Variants in SLC24A2 observed in about 807,000 individuals in gnomAD.
SLC24A2 encodes solute carrier family 24 member 2.
In SLC24A2, 36 loss-of-function variants were observed where a neutral mutation model predicts 62.0. The ratio of observed to expected loss-of-function variants is 0.58; its 90% CI spans 0.44 to 0.77. The LOEUF is 0.77. SLC24A2 is among the 30% of genes least tolerant of loss of function. The pLI is 0.00. For synonymous variants in SLC24A2, 358 were observed against 294.0 expected (o/e 1.22, Z -2.23); for missense variants, 846 against 817.9 (o/e 1.03, Z -0.42).
At chr9:19,545,124 C>G (rs1349336134) in intron 8 of SLC24A2, among the ~76,000 whole-genome samples, 1 of 151,880 alleles carries the variant, frequency 6.6e-6, no homozygotes, top group East Asian at 1.9e-4. Context: ...TTTGTTTGAT[C>G]CCTTTCATCC....
At position 19,710,339 on chromosome 9, in the gene SLC24A2, T is replaced by A. The variant is rs79410194; in HGVS notation, c.930+75598A>T. On this transcript the variant is annotated intron_variant, in intron 2 of 10. Coordinates refer to ENST00000341998, the MANE Select transcript of SLC24A2 (RefSeq NM_020344.4). ...AAGGAAAACACAATTACCTGCAGTGTCACAAGTGCCATGACAAGGAGAGGG... is the reference window on the plus strand; with the variant it reads ...AAGGAAAACACAATTACCTGCAGTGACACAAGTGCCATGACAAGGAGAGGG... 5.0e-3 allele frequency among the ~76,000 whole-genome samples: 764 copies of A among 152,188 alleles called. 5 individuals are homozygous for A. Among genetic ancestry groups the A allele is most frequent in the African/African-American group, 0.017 (720 of 41,506 alleles).
the SLC24A2 span, among the ~76,000 whole-genome samples, chr9:20,050,331 G>A: frequency 2.0e-4 from 31 of 151,590 alleles, no homozygotes; most frequent in East Asian, 5.8e-3. Context: ...CATGAGAATC[G>A]CTTGAACCTG....
At chr9:20,122,554 G>C in the SLC24A2 span, among the ~76,000 whole-genome samples, 1 of 152,208 alleles carries the variant, frequency 6.6e-6, no homozygotes, top group East Asian at 1.9e-4. Context: ...TGGGCATGGT[G>C]GTGGGCACCT....
rs566486832 is a variant in SLC24A2, at chr9:19,617,373, C to A, written c.1078+2211G>T. 3.3e-5 allele frequency among the ~76,000 whole-genome samples: 5 copies of A among 152,226 alleles called. No homozygotes were observed. The East Asian group carries it at 9.6e-4, about 29-fold the overall frequency. Reference sequence around the variant, plus strand: ...GACCATGATTTGGCTCACGTCCCACCCTCCAACTGCCATCTAACATGTTTG... The same window carrying A: ...GACCATGATTTGGCTCACGTCCCACACTCCAACTGCCATCTAACATGTTTG... On this transcript the variant is annotated intron_variant, in intron 4 of 10. Transcript: ENST00000341998.
chr9:19,959,966 T>C, the SLC24A2 span, among the ~76,000 whole-genome samples: 1 of 152,330 alleles, frequency 6.6e-6, no homozygotes, highest in East Asian at 1.9e-4. Context: ...GATATGCTTT[T>C]CTTTAATAAT....
chr9:19,657,460 G>A (rs145866515), intron 2 of SLC24A2, among the ~76,000 whole-genome samples: 2,364 of 151,984 alleles, frequency 0.016, 25 homozygotes, highest in Middle Eastern at 0.024. Context: ...GTACCATGGT[G>A]GTTTGCTGCA....
intron 5 of SLC24A2, among the ~76,000 whole-genome samples, chr9:19,578,620 A>G (rs1412846298): frequency 6.6e-6 from 1 of 150,582 alleles, no homozygotes; most frequent in Non-Finnish European, 1.5e-5. Flanking sequence ...CTACTTTTTT[A>G]TTTAGAACCA....
At chr9:19,741,293 C>G (rs1019029295) in intron 2 of SLC24A2, among the ~76,000 whole-genome samples, 15 of 152,126 alleles carry the variant, frequency 9.9e-5, no homozygotes, top group African/African-American at 3.6e-4. Flanking sequence ...AAAAGGGGAG[C>G]TAGAGGGAAG....
chr9:19,832,364 G>A, the SLC24A2 span, among the ~76,000 whole-genome samples: 1 of 152,218 alleles, frequency 6.6e-6, no homozygotes, highest in Admixed American at 6.5e-5. Flanking sequence ...TAAACATGTT[G>A]TAAGCCAGAT....
intron 2 of SLC24A2, among the ~76,000 whole-genome samples, chr9:19,666,752 T>C (rs1263877346): frequency 1.3e-5 from 2 of 152,200 alleles, no homozygotes; most frequent in East Asian, 1.9e-4. Context: ...TTATGTTTTT[T>C]TCAATGCAGG....
rs544012513 is a variant in SLC24A2, at chr9:19,786,428, T to C, written c.439A>G (p.Ile147Val). Reference sequence around the variant, plus strand: ...TCATCACAGACAATGGCTAAGGCTATGAACATGTAGATCATTCCAATGACA... The same window carrying C: ...TCATCACAGACAATGGCTAAGGCTACGAACATGTAGATCATTCCAATGACA... Reference protein sequence around the residue: ...LHVIGMIYMFIALAIVCDEFF... With the variant: ...LHVIGMIYMFVALAIVCDEFF... Residue 147 changes from isoleucine (I) to valine (V), a missense_variant, in exon 2 of 11, where the codon ATA becomes GTA. By Grantham distance (29) the Ile-to-Val change is conservative. Transcript: ENST00000341998. This position sits in a 1 kb window ranked among gnomAD's most constrained non-coding sequence, Gnocchi z 5.0. 1.4e-5 allele frequency: 22 copies of C among 1,614,202 alleles called. No individual in the cohort carries two copies. The South Asian group carries it at 2.2e-4, about 16-fold the overall frequency.
At chr9:19,925,923 G>A in the SLC24A2 span, among the ~76,000 whole-genome samples, 1 of 152,096 alleles carries the variant, frequency 6.6e-6, no homozygotes, top group Non-Finnish European at 1.5e-5. Context: ...GAATTTCCAA[G>A]CCAACCTCCA....
chr9:19,542,868 G>A (rs1292160333), intron 8 of SLC24A2, among the ~76,000 whole-genome samples: 1 of 152,202 alleles, frequency 6.6e-6, no homozygotes, highest in Non-Finnish European at 1.5e-5. Context: ...TCGCATCGAT[G>A]TTCATCAGGG....
chr9:20,172,699 G>C, the SLC24A2 span, among the ~76,000 whole-genome samples: 1 of 151,680 alleles, frequency 6.6e-6, no homozygotes, highest in African/African-American at 2.4e-5. Flanking sequence ...AATTTAACAT[G>C]AAATAAAAAA....
Position 19,515,470 on chromosome 9 carries a change from A to G in SLC24A2, c.*683T>C. On this transcript the variant is annotated 3_prime_UTR_variant, in exon 11 of 11. Coordinates refer to ENST00000341998, the MANE Select transcript of SLC24A2 (RefSeq NM_020344.4). Reference sequence around the variant, plus strand: ...CACTAAGCCCTCCTCCCTGCAAGCTATTTCCCTAAACCATCTACCTTACTA... The same window carrying G: ...CACTAAGCCCTCCTCCCTGCAAGCTGTTTCCCTAAACCATCTACCTTACTA... The G allele has an allele frequency of 6.6e-6, 1 of 152,072 alleles. No individual in the cohort carries two copies. The highest frequency in any genetic ancestry group is 1.9e-4 in the East Asian group (1 of 5,190). 9.4% of individuals were successfully genotyped at this position (152,072 alleles called of 1,614,324 possible).
At chr9:19,898,178 G>A in the SLC24A2 span, among the ~76,000 whole-genome samples, 1 of 152,162 alleles carries the variant, frequency 6.6e-6, no homozygotes, top group Non-Finnish European at 1.5e-5. Flanking sequence ...AGCATGTCTA[G>A]CTGCCCCCTG....
chr9:20,013,423 A>G, the SLC24A2 span, among the ~76,000 whole-genome samples: 1 of 152,218 alleles, frequency 6.6e-6, no homozygotes, highest in Non-Finnish European at 1.5e-5. Context: ...AAGATAGATT[A>G]AAAACTTAAA....
the SLC24A2 span, among the ~76,000 whole-genome samples, chr9:19,969,198 C>T: frequency 6.6e-6 from 1 of 150,402 alleles, no homozygotes. Context: ...CACACACACA[C>T]ACACACACAC....
the SLC24A2 span, among the ~76,000 whole-genome samples, chr9:20,195,571 C>T: frequency 6.6e-6 from 1 of 152,100 alleles, no homozygotes; most frequent in Admixed American, 6.6e-5. Context: ...CATATATATA[C>T]TCAATACTAA....
Sources: allele counts gnomAD v4.1 joint callset (sites outside exome capture counted in the v4.1 genomes callset), GRCh38; gene constraint gnomAD v4.1.1; non-coding constraint Gnocchi (gnomAD v3.1); transcripts MANE v1.5; gene names NCBI Gene and HGNC (gene_info 2026-07-23, HGNC 2026-07-21).